SMYD3: variants seen among roughly 807,000 people sequenced by gnomAD.
SMYD3 encodes histone-lysine N-methyltransferase SMYD3.
Under a neutral mutation model 57.7 loss-of-function variants are expected in SMYD3, and 36 were observed. The ratio of observed to expected loss-of-function variants is 0.62; its 90% CI spans 0.48 to 0.82. The LOEUF (loss-of-function observed/expected upper bound fraction) is 0.82, where lower values mean the gene tolerates loss of function less well. Ranked by LOEUF, SMYD3 falls within the 40% of genes least tolerant of loss-of-function variation. The pLI, the probability that SMYD3 is intolerant of heterozygous loss-of-function variation, is 0.00. For synonymous variants in SMYD3, 211 were observed against 195.0 expected (o/e 1.08, Z -0.68); for missense variants, 515 against 538.8 (o/e 0.96, Z 0.44).
intron 10 of SMYD3, among the ~76,000 whole-genome samples, chr1:245,844,747 C>T (rs997099799): frequency 2.0e-3 from 3 of 1,478 alleles, no homozygotes; most frequent in East Asian, 0.5. Flanking sequence ...CAAGAACGGA[C>T]GACCATCACG....
intron 11 of SMYD3, among the ~76,000 whole-genome samples, chr1:245,756,883 G>A (rs1465989145): frequency 2.0e-5 from 3 of 150,980 alleles, no homozygotes; most frequent in Non-Finnish European, 4.4e-5. Context: ...TATACTGTTC[G>A]GGGTTTGCTT....
At chr1:246,407,620 T>G (rs1329684641) in intron 1 of SMYD3, among the ~76,000 whole-genome samples, 1 of 152,018 alleles carries the variant, frequency 6.6e-6, no homozygotes, top group Non-Finnish European at 1.5e-5. Flanking sequence ...GGCGGGTGGA[T>G]CACCTGAGGT....
intron 5 of SMYD3, among the ~76,000 whole-genome samples, chr1:246,068,578 G>A (rs1224325944): frequency 6.6e-6 from 1 of 152,168 alleles, no homozygotes; most frequent in Admixed American, 6.5e-5. Flanking sequence ...ACGGAGCGCA[G>A]GGTGCCTGCA....
chr1:246,287,502 T>C (rs189092046), intron 5 of SMYD3, among the ~76,000 whole-genome samples: 2 of 152,322 alleles, frequency 1.3e-5, no homozygotes, highest in African/African-American at 4.8e-5. Context: ...GGGGACAAGC[T>C]GGGTTTAAAT....
intron 5 of SMYD3, among the ~76,000 whole-genome samples, chr1:245,941,131 G>A (rs1285476401): frequency 2.0e-5 from 3 of 152,104 alleles, no homozygotes; most frequent in African/African-American, 7.2e-5. Flanking sequence ...AGAATGAAAA[G>A]GAATGAACAA....
chr1:245,845,238 G>T (rs1191449710), intron 10 of SMYD3, among the ~76,000 whole-genome samples: 2 of 152,142 alleles, frequency 1.3e-5, no homozygotes, highest in African/African-American at 2.4e-5. Flanking sequence ...CCCCAAAGGG[G>T]TCTATCAATC....
At chr1:246,365,375 G>A (rs189582276) in intron 1 of SMYD3, among the ~76,000 whole-genome samples, 37 of 151,230 alleles carry the variant, frequency 2.4e-4, no homozygotes, top group African/African-American at 9.0e-4. Flanking sequence ...CAAGCCTGTG[G>A]TCCCAGCTAC....
At chr1:246,118,615 TC>T (rs2061376350) in intron 5 of SMYD3, among the ~76,000 whole-genome samples, 1 of 152,156 alleles carries the variant, frequency 6.6e-6, no homozygotes, top group Non-Finnish European at 1.5e-5. Flanking sequence ...CAACAAATCC[TC>T]CATCCTCTGC....
chr1:245,868,688 A>G (rs1401559187), intron 8 of SMYD3, among the ~76,000 whole-genome samples: 1 of 152,214 alleles, frequency 6.6e-6, no homozygotes, highest in Non-Finnish European at 1.5e-5. Flanking sequence ...AGAGCATTTT[A>G]TATTGGAGCT....
intron 10 of SMYD3, among the ~76,000 whole-genome samples, chr1:245,854,725 CT>C (rs1490297986): frequency 6.6e-6 from 1 of 152,072 alleles, no homozygotes; most frequent in Non-Finnish European, 1.5e-5. Context: ...GGAAATGAGT[CT>C]TTCCCCCAGC....
At chr1:246,279,362 A>C (rs1436729174) in intron 5 of SMYD3, among the ~76,000 whole-genome samples, 1 of 152,134 alleles carries the variant, frequency 6.6e-6, no homozygotes, top group African/African-American at 2.4e-5. Context: ...CTCTACTAAA[A>C]ACACAAAAAT....
At chr1:245,845,019 C>T (rs764060236) in intron 10 of SMYD3, among the ~76,000 whole-genome samples, 31 of 152,152 alleles carry the variant, frequency 2.0e-4, no homozygotes, top group Non-Finnish European at 3.2e-4. Context: ...TTCCGTGTAC[C>T]CCTACTCACT....
chr1:246,031,302 A>C (rs2059669071), intron 5 of SMYD3, among the ~76,000 whole-genome samples: 1 of 152,186 alleles, frequency 6.6e-6, no homozygotes, highest in African/African-American at 2.4e-5. Context: ...GTTTATTCAG[A>C]CCAACTTCTG....
chr1:246,015,916 T>A (rs1421803100), intron 5 of SMYD3, among the ~76,000 whole-genome samples: 1 of 152,200 alleles, frequency 6.6e-6, no homozygotes, highest in East Asian at 1.9e-4. Context: ...GGTGTATACC[T>A]AGAAAGAGAA....
chr1:245,916,484 T>C (rs1159766793), intron 7 of SMYD3, among the ~76,000 whole-genome samples: 4 of 152,220 alleles, frequency 2.6e-5, no homozygotes, highest in South Asian at 4.1e-4. Flanking sequence ...CCATCTCGGC[T>C]AGAGCATTCT....
chr1:245,790,061 G>C (rs955917907), intron 10 of SMYD3, among the ~76,000 whole-genome samples: 2 of 152,214 alleles, frequency 1.3e-5, no homozygotes, highest in African/African-American at 4.8e-5. Context: ...CACTGTGGAA[G>C]GGCCAGATAC....
chr1:245,964,131 G>T (rs2058080324), intron 5 of SMYD3, among the ~76,000 whole-genome samples: 1 of 152,258 alleles, frequency 6.6e-6, no homozygotes, highest in East Asian at 1.9e-4. Context: ...CATGTCACAT[G>T]GTGATGGAGG....
At chr1:246,230,873 T>A (rs10924576) in intron 5 of SMYD3, among the ~76,000 whole-genome samples, 107 of 152,230 alleles carry the variant, frequency 7.0e-4, no homozygotes, top group African/African-American at 2.4e-3. Context: ...ATGTGGCTAC[T>A]GGTTACCATA....
intron 5 of SMYD3, among the ~76,000 whole-genome samples, chr1:246,223,163 G>A (rs530874268): frequency 6.6e-6 from 1 of 152,116 alleles, no homozygotes; most frequent in Non-Finnish European, 1.5e-5. Flanking sequence ...CCTCAGGAAA[G>A]AGAGTCTCCT....
Sources: allele counts gnomAD v4.1 joint callset (sites outside exome capture counted in the v4.1 genomes callset), GRCh38; gene constraint gnomAD v4.1.1; transcripts MANE v1.5; gene names NCBI Gene and HGNC (gene_info 2026-07-23, HGNC 2026-07-21).